PPFIA1: variants seen among roughly 807,000 people sequenced by gnomAD.
PPFIA1 encodes the protein liprin-alpha-1.
Under a neutral mutation model 149.9 loss-of-function variants are expected in PPFIA1, and 25 were observed. The observed-to-expected ratio is 0.17, with a 90% CI of 0.12 to 0.23. The LOEUF (loss-of-function observed/expected upper bound fraction) is 0.23. Among genes scored for constraint, PPFIA1 ranks in the 10% least tolerant of loss-of-function variants. PPFIA1 has a pLI of 1.00. For missense variants in PPFIA1, 1,362 were observed against 1,506.5 expected (o/e 0.90, Z 1.59); for synonymous variants, 549 against 552.8 (o/e 0.99, Z 0.10).
rs146911822 is a variant in PPFIA1 at position 70,279,146 on chromosome 11, G to A, written c.264+6710G>A. On this transcript the variant is annotated intron_variant, in intron 2 of 27. Coordinates refer to ENST00000253925, the MANE Select transcript of PPFIA1 (RefSeq NM_003626.5). The stretch of plus-strand genomic sequence containing the variant: ...CCAGGATGGCTGTGCTATTCACAGC[G>A]GCAGTCGCGCCCACACGTCCAGGAC... 2,282 of 543,686 alleles carry A rather than the reference G, an allele frequency of 4.2e-3. 31 individuals are homozygous for A. Among genetic ancestry groups the A allele is most frequent in the Non-Finnish European group, 2.7e-3 (794 of 292,032 alleles). The allele number at this position is 543,686 out of a possible 1,614,324, so 33.7% of individuals were successfully genotyped here.
intron 2 of PPFIA1, among the ~76,000 whole-genome samples, chr11:70,274,911 G>A (rs371477672): frequency 6.6e-6 from 1 of 152,246 alleles, no homozygotes; most frequent in African/African-American, 2.4e-5. Context: ...TAGAGGTGGG[G>A]TTTTACCATG....
chr11:70,307,558 A>G (rs1027511919), intron 2 of PPFIA1, among the ~76,000 whole-genome samples: 3 of 152,222 alleles, frequency 2.0e-5, no homozygotes, highest in Admixed American at 6.5e-5. Context: ...AGATTTCTCT[A>G]TATACACCTT....
Position 70,330,234 on chromosome 11 carries a change from C to T in PPFIA1, c.992C>T (p.Ala331Val). Residue 331 changes from alanine to valine, a missense_variant, in exon 8 of 28, where the codon GCT becomes GTT. Ala to Val is a moderately conservative substitution (Grantham distance 64). Transcript: ENST00000253925. Reference protein sequence around the residue: ...RITTLEKRYLAAQREATSVHD... With the variant: ...RITTLEKRYLVAQREATSVHD... The stretch of plus-strand genomic sequence containing the variant: ...ACTACTCTTGAAAAACGCTACCTCG[C>T]TGCACAGCGTGAAGCCACATCTGTG... The T allele has an allele frequency of 6.2e-7, 1 of 1,602,568 alleles. No homozygotes were observed. The highest frequency in any genetic ancestry group is 8.5e-7 in the Non-Finnish European group (1 of 1,175,686).
chr11:70,303,171 T>C (rs976941588), intron 2 of PPFIA1, among the ~76,000 whole-genome samples: 1 of 152,138 alleles, frequency 6.6e-6, no homozygotes, highest in Non-Finnish European at 1.5e-5. Context: ...CTTTCAGCAT[T>C]GCACTGTGGT....
chr11:70,374,647 T>A (rs1206478101), intron 23 of PPFIA1: 5 of 371,282 alleles, frequency 1.3e-5, no homozygotes, highest in South Asian at 8.6e-5. Flanking sequence ...CCTCATCATC[T>A]TCTTTTCTCT....
Position 70,344,182 on chromosome 11 carries a change from T to G in PPFIA1, c.1931+290T>G, listed in dbSNP as rs552271615. 2.4e-4 allele frequency among the ~76,000 whole-genome samples: 36 copies of G among 152,240 alleles called. No individual in the cohort carries two copies. In the South Asian group the frequency reaches 7.0e-3, roughly 30 times the overall value. Reference sequence around the variant, plus strand: ...AGAAGCTCGCCACATAGCTGGAGGGTGCTGAAGGGGCTCAGCCCAGCTCCC... The same window carrying G: ...AGAAGCTCGCCACATAGCTGGAGGGGGCTGAAGGGGCTCAGCCCAGCTCCC... On this transcript the variant is annotated intron_variant, in intron 15 of 27. Transcript: ENST00000253925.
rs2053174124 is a variant in PPFIA1 at position 70,310,359 on chromosome 11, C to T, written c.265-14043C>T. On this transcript the variant is annotated intron_variant, in intron 2 of 27. Coordinates refer to ENST00000253925, the MANE Select transcript of PPFIA1 (RefSeq NM_003626.5). The stretch of plus-strand genomic sequence containing the variant: ...TAAGCCAGAAGTTAAGAGAGAGGCA[C>T]AGTGCATTTTTATTTCATCCATGTA... 2.0e-5 allele frequency among the ~76,000 whole-genome samples: 3 copies of T among 151,274 alleles called. 1 individual carries two copies. In the South Asian group the frequency reaches 6.2e-4, roughly 32 times the overall value.
chr11:70,316,019 C>T (rs1278462835), intron 2 of PPFIA1, among the ~76,000 whole-genome samples: 1 of 152,074 alleles, frequency 6.6e-6, no homozygotes, highest in African/African-American at 2.4e-5. Flanking sequence ...AGCCCAACAT[C>T]CTCAAGGTTC....
At chr11:70,304,282 T>C (rs1460369000) in intron 2 of PPFIA1, among the ~76,000 whole-genome samples, 3 of 152,122 alleles carry the variant, frequency 2.0e-5, no homozygotes, top group Non-Finnish European at 2.9e-5. Flanking sequence ...CCACATACTT[T>C]GCCCTGTGCA....
At chr11:70,333,843 G>A (rs2054814609) in intron 10 of PPFIA1, among the ~76,000 whole-genome samples, 1 of 152,298 alleles carries the variant, frequency 6.6e-6, no homozygotes, top group Non-Finnish European at 1.5e-5. Context: ...CCTATCAGGG[G>A]AACTGTTCTA....
chr11:70,365,234 A>C (rs959684583), intron 21 of PPFIA1: 1 of 350,768 alleles, frequency 2.9e-6, no homozygotes, highest in African/African-American at 2.1e-5. Context: ...CTGTACGGGC[A>C]TCTGAACTGA....
intron 16 of PPFIA1, among the ~76,000 whole-genome samples, chr11:70,352,330 G>A (rs1020559739): frequency 2.0e-5 from 3 of 152,206 alleles, no homozygotes; most frequent in African/African-American, 7.2e-5. Context: ...GGTGAGATAA[G>A]GAGCTTACAC....
chr11:70,382,902 T>G, intron 27 of PPFIA1, 101 bp from the exon 28 acceptor site: 1 of 334,714 alleles, frequency 3.0e-6, no homozygotes, highest in Non-Finnish European at 5.6e-6. Context: ...AGGGGAGGGG[T>G]CAGTGTCGGG....
At chr11:70,324,334 A>C in intron 2 of PPFIA1, 68 bp from the exon 3 acceptor site, 1 of 1,196,124 alleles carries the variant, frequency 8.4e-7, no homozygotes, top group South Asian at 1.4e-5. Flanking sequence ...AAGACTGTGG[A>C]GCCTTGATGA....
chr11:70,374,697 A>C (rs2057410815), intron 23 of PPFIA1: 1 of 498,534 alleles, frequency 2.0e-6, no homozygotes, highest in African/African-American at 2.0e-5. Context: ...CACTGGAAGG[A>C]TGAGTTCTAA....
At chr11:70,326,576 A>G (rs1565398238) in intron 6 of PPFIA1, 21 bp from the exon 7 acceptor site, 2 of 1,559,674 alleles carry the variant, frequency 1.3e-6, no homozygotes, top group Non-Finnish European at 1.8e-6. Flanking sequence ...GTATTTAAGG[A>G]TTTTTTTTTC....
intron 2 of PPFIA1, among the ~76,000 whole-genome samples, chr11:70,295,652 A>C (rs1591093347): frequency 6.2e-5 from 6 of 97,196 alleles, no homozygotes; most frequent in East Asian, 3.0e-4. Context: ...GGTGCCCCTC[A>C]CCTCCCGGAC....
chr11:70,354,354 A>T lies in PPFIA1; in HGVS notation c.2217A>T (p.Glu739Asp). 6.2e-7 allele frequency: 1 copy of T among 1,614,084 alleles called. No individual in the cohort carries two copies. Among genetic ancestry groups the T allele is most frequent in the Non-Finnish European group, 8.5e-7 (1 of 1,180,024 alleles). The change falls in exon 17 of 28, where the codon GAA (glutamate) becomes GAT (aspartate). Residue 739 changes from glutamate to aspartate, a missense_variant. Around this residue, in one of 7 missense-constraint regions of PPFIA1, gnomAD observed 733 missense variants for 744.1 expected, o/e 0.99. Coordinates refer to ENST00000253925, the MANE Select transcript of PPFIA1 (RefSeq NM_003626.5). ...VRDDKTTIKCETSPPSSPRAL... is the reference protein window; with the variant it reads ...VRDDKTTIKCDTSPPSSPRAL... Reference sequence around the variant, plus strand: ...ATGACAAGACAACCATAAAGTGTGAAACCTCCCCGCCTTCCTCCCCGAGAG... The same window carrying T: ...ATGACAAGACAACCATAAAGTGTGATACCTCCCCGCCTTCCTCCCCGAGAG...
chr11:70,285,841 C>T (rs2051074715), intron 2 of PPFIA1, among the ~76,000 whole-genome samples: 2 of 152,032 alleles, frequency 1.3e-5, no homozygotes, highest in African/African-American at 4.8e-5. Context: ...TTTTGAGTGT[C>T]TGTATGTGGC....
Sources: allele counts gnomAD v4.1 joint callset (sites outside exome capture counted in the v4.1 genomes callset), GRCh38; gene constraint gnomAD v4.1.1; regional missense constraint gnomAD v4.1.1; transcripts MANE v1.5; gene names NCBI Gene and HGNC (gene_info 2026-07-23, HGNC 2026-07-21).